The following ADORA2B variants were observed in gnomAD, a reference collection of about 807,000 sequenced individuals.
ADORA2B encodes adenosine receptor A2b.
ADORA2B carries 18 observed loss-of-function variants against 20.8 expected under a neutral mutation model. The observed-to-expected ratio is 0.87, with a 90% confidence interval of 0.60 to 1.29. The LOEUF (loss-of-function observed/expected upper bound fraction) is 1.29, where lower values mean the gene tolerates loss of function less well. Ranked by LOEUF, ADORA2B falls within the 50% of genes most tolerant of loss-of-function variation. The pLI, the probability that ADORA2B is intolerant of heterozygous loss-of-function variation, is 0.00. For missense variants in ADORA2B, 441 were observed against 422.7 expected (o/e 1.04, Z -0.38); for synonymous variants, 179 against 178.3 (o/e 1.00, Z -0.03).
At chr17:15,954,534 T>C (rs796584647) in intron 1 of ADORA2B, among the ~76,000 whole-genome samples, 17 of 152,340 alleles carry the variant, frequency 1.1e-4, no homozygotes, top group African/African-American at 4.1e-4. Context: ...CTGCATTCCA[T>C]GTTCTCTTTC....
chr17:15,882,292 G>C, the ADORA2B span, among the ~76,000 whole-genome samples: 1 of 152,142 alleles, frequency 6.6e-6, no homozygotes, highest in African/African-American at 2.4e-5. Context: ...AGGAAGACCG[G>C]AAACTCAGCC....
upstream of ADORA2B, among the ~76,000 whole-genome samples, chr17:15,940,190 G>T (rs1969731781): frequency 6.6e-6 from 1 of 152,330 alleles, no homozygotes; most frequent in African/African-American, 2.4e-5. Context: ...AGAACTTAAA[G>T]CCCGTCAGTG....
the ADORA2B span, among the ~76,000 whole-genome samples, chr17:15,894,437 G>A: frequency 6.6e-6 from 1 of 152,216 alleles, no homozygotes; most frequent in Admixed American, 6.5e-5. Flanking sequence ...AGGAGTAGCT[G>A]CAGCCAGGAA....
chr17:15,940,091 G>A, the ADORA2B span, among the ~76,000 whole-genome samples: 2 of 152,198 alleles, frequency 1.3e-5, no homozygotes, highest in Non-Finnish European at 2.9e-5. Flanking sequence ...TGTGGTAACA[G>A]TATTAAGTGC....
Position 15,958,099 on chromosome 17 carries a change from A to G in ADORA2B, c.335+12516A>G, listed in dbSNP as rs182915947. ...CAATGGTGCGATCTTGGTCACCGCA[A>G]CCTCTGTCTCCCAGGTTTAAACGAT... On this transcript the variant is annotated intron_variant, in intron 1 of 1. Transcript: ENST00000304222. Among the ~76,000 whole-genome samples the G allele has an allele frequency of 4.1e-3, 615 of 150,718 alleles. 3 individuals are homozygous for G. The highest frequency in any genetic ancestry group is 6.3e-3 in the Non-Finnish European group (427 of 67,738).
At chr17:15,871,645 G>A in the ADORA2B span, among the ~76,000 whole-genome samples, 1 of 152,154 alleles carries the variant, frequency 6.6e-6, no homozygotes, top group Non-Finnish European at 1.5e-5. Flanking sequence ...TATATGCTGG[G>A]CAGAAGGGGC....
the ADORA2B span, among the ~76,000 whole-genome samples, chr17:15,931,352 C>T: frequency 1.3e-5 from 2 of 152,236 alleles, no homozygotes; most frequent in African/African-American, 2.4e-5. Flanking sequence ...ACCTTCAGTC[C>T]TCCCCAGCAC....
chr17:15,914,823 G>C, the ADORA2B span, among the ~76,000 whole-genome samples: 1 of 152,326 alleles, frequency 6.6e-6, no homozygotes, highest in South Asian at 2.1e-4. Flanking sequence ...GTAGCTTGAT[G>C]GCAACTGACA....
At chr17:15,866,747 C>T in the ADORA2B span, among the ~76,000 whole-genome samples, 8 of 150,198 alleles carry the variant, frequency 5.3e-5, no homozygotes, top group Non-Finnish European at 7.4e-5. Flanking sequence ...CTGCCTCTGC[C>T]GCTGCCTCTC....
the ADORA2B span, among the ~76,000 whole-genome samples, chr17:15,855,248 T>A: frequency 6.6e-6 from 1 of 151,940 alleles, no homozygotes; most frequent in Non-Finnish European, 1.5e-5. Context: ...ACTCATTTAA[T>A]CCCCCCCAAC....
the ADORA2B span, among the ~76,000 whole-genome samples, chr17:15,890,252 T>G: frequency 7.7e-6 from 1 of 129,422 alleles, no homozygotes; most frequent in Admixed American, 7.6e-5. Flanking sequence ...TCAATGAGAC[T>G]GAACATCTTT....
At chr17:15,924,385 G>C in the ADORA2B span, among the ~76,000 whole-genome samples, 1 of 152,172 alleles carries the variant, frequency 6.6e-6, no homozygotes, top group Non-Finnish European at 1.5e-5. Context: ...GATTTATCTT[G>C]AAGTACATGG....
the ADORA2B span, among the ~76,000 whole-genome samples, chr17:15,899,670 C>T: frequency 6.6e-6 from 1 of 152,068 alleles, no homozygotes; most frequent in Non-Finnish European, 1.5e-5. Flanking sequence ...TGTTTAGCGT[C>T]CTCTTGTAAG....
chr17:15,856,240 ACT>A, the ADORA2B span, among the ~76,000 whole-genome samples: 1 of 149,658 alleles, frequency 6.7e-6, no homozygotes, highest in South Asian at 2.1e-4. Context: ...CTCCACATGC[ACT>A]CTGTCTTTCT....
At chr17:15,916,207 T>C in the ADORA2B span, among the ~76,000 whole-genome samples, 1 of 151,500 alleles carries the variant, frequency 6.6e-6, no homozygotes, top group South Asian at 2.4e-4. Flanking sequence ...CAGGCTGTTA[T>C]GTGTCCTGGG....
chr17:15,907,027 C>G, the ADORA2B span, among the ~76,000 whole-genome samples: 1 of 152,148 alleles, frequency 6.6e-6, no homozygotes, highest in African/African-American at 2.4e-5. Context: ...TGTAGGCATC[C>G]CTTCTTTGCC....
intron 1 of ADORA2B, among the ~76,000 whole-genome samples, chr17:15,968,021 G>T (rs1416723476): frequency 6.6e-6 from 1 of 152,172 alleles, no homozygotes; most frequent in Non-Finnish European, 1.5e-5. Flanking sequence ...TGAAATGCGG[G>T]TCTTATGAGT....
the ADORA2B span, among the ~76,000 whole-genome samples, chr17:15,894,017 AT>A: frequency 2.0e-5 from 3 of 152,212 alleles, no homozygotes; most frequent in Non-Finnish European, 4.4e-5. Context: ...TATAAGCCAG[AT>A]TTGGCCCATG....
At chr17:15,934,114 CAT>C in the ADORA2B span, among the ~76,000 whole-genome samples, 1 of 152,050 alleles carries the variant, frequency 6.6e-6, no homozygotes, top group Non-Finnish European at 1.5e-5. Flanking sequence ...TTGAGATGAT[CAT>C]GTTATTTTTC....
Sources: allele counts gnomAD v4.1 joint callset (sites outside exome capture counted in the v4.1 genomes callset), GRCh38; gene constraint gnomAD v4.1.1; transcripts MANE v1.5; gene names NCBI Gene and HGNC (gene_info 2026-07-23, HGNC 2026-07-21).